APLP1: variants seen among roughly 807,000 people sequenced by gnomAD.
APLP1 encodes the protein amyloid beta precursor like protein 1.
A neutral mutation model predicts 84.5 loss-of-function variants in APLP1; 46 were observed. The observed-to-expected ratio is 0.54, with a 90% CI of 0.43 to 0.70. The LOEUF (loss-of-function observed/expected upper bound fraction) is 0.70, where lower values mean the gene tolerates loss of function less well. APLP1 is among the 30% of genes least tolerant of loss of function. The pLI is 0.00. For synonymous variants in APLP1, 376 were observed against 364.0 expected (o/e 1.03, Z -0.38); for missense variants, 826 against 900.2 (o/e 0.92, Z 1.05).
intron 6 of APLP1, 28 bp from the exon 7 acceptor site, chr19:35,872,455 A>G: frequency 1.2e-6 from 2 of 1,605,932 alleles, no homozygotes; most frequent in Non-Finnish European, 1.7e-6. Context: ...TGGGCTGCAG[A>G]CTGACCTCCT....
At chr19:35,879,260 G>T (rs1173186144) in intron 16 of APLP1, 43 bp downstream of exon 16, 1 of 1,609,170 alleles carries the variant, frequency 6.2e-7, no homozygotes, top group Non-Finnish European at 8.5e-7. Context: ...GAGTTCCTGA[G>T]CCCGGGTGTG....
In APLP1 at chr19:35,869,648, C is replaced by T; in HGVS notation, c.148-19C>T. 2 of 1,610,826 alleles carry T rather than the reference C, an allele frequency of 1.2e-6. No homozygotes were observed. Among genetic ancestry groups the T allele is most frequent in the Non-Finnish European group, 1.7e-6 (2 of 1,178,660 alleles). ...CCAACGCCCCCCGAGCCCTCACTGT[C>T]CTTTCCACTTCCATCCAGGCCCCGG... is the stretch of plus-strand genomic sequence containing the variant. On this transcript the variant is annotated intron_variant, in intron 1 of 16. Coordinates refer to ENST00000221891, the MANE Select transcript of APLP1 (RefSeq NM_001024807.3).
At position 35,868,753 on chromosome 19, in the gene APLP1, C is replaced by G; in HGVS notation, c.117C>G (p.Ser39Arg). ...TGCGCGCGCAGCCCGCCATCGGGAGCCTGGCCGGTGGGAGCCCCGGCGCGG... is the reference window on the plus strand; with the variant it reads ...TGCGCGCGCAGCCCGCCATCGGGAGGCTGGCCGGTGGGAGCCCCGGCGCGG... ...LLLRAQPAIG[S>R]LAGGSPGAAE... Residue 39 changes from serine to arginine, a missense_variant, in exon 1 of 17, where the codon AGC (serine) becomes AGG (arginine). Transcript: ENST00000221891. This position sits in a 1 kb window ranked among gnomAD's most constrained non-coding sequence, Gnocchi z 5.2. The G allele has an allele frequency of 7.4e-7, 1 of 1,356,806 alleles. No homozygotes were observed. Among genetic ancestry groups the G allele is most frequent in the Admixed American group, 3.7e-5 (1 of 26,760 alleles). The allele number at this position is 1,356,806 out of a possible 1,614,324, so 84.0% of individuals were successfully genotyped here.
rs1213668887 is a variant in APLP1 at position 35,876,366 on chromosome 19, G to A, written c.1345-151G>A. 7.9e-6 allele frequency: 5 copies of A among 633,284 alleles called. No homozygotes were observed. The East Asian group carries it at 1.2e-4, about 15-fold the overall frequency. 39.2% of individuals were successfully genotyped at this position (633,284 alleles called of 1,614,324 possible). On this transcript the variant is annotated intron_variant, in intron 10 of 16. Coordinates refer to ENST00000221891, the MANE Select transcript of APLP1 (RefSeq NM_001024807.3). Reference sequence around the variant, plus strand: ...TTATTCTTCAATTTCCTTCTCCTATGGCCCAGTTCCTAACCCTTGTACCAC... The same window carrying A: ...TTATTCTTCAATTTCCTTCTCCTATAGCCCAGTTCCTAACCCTTGTACCAC...
chr19:35,872,962 C>T (rs1238798721), intron 7 of APLP1, among the ~76,000 whole-genome samples: 2 of 151,964 alleles, frequency 1.3e-5, no homozygotes, highest in African/African-American at 2.4e-5. Flanking sequence ...CGGGCTCCAG[C>T]GATTCCCCTT....
In APLP1 at chr19:35,873,848, C is replaced by T. The variant is rs1255919932; in HGVS notation, c.1056+135C>T. The T allele has an allele frequency of 7.7e-6, 6 of 778,268 alleles. No homozygotes were observed. In the East Asian group the frequency reaches 1.1e-4, roughly 14 times the overall value. 48.2% of individuals were successfully genotyped at this position (778,268 alleles called of 1,614,324 possible). A position where few individuals can be genotyped will look rare whatever the true frequency, so the allele number is the denominator to read the frequency against. ...TATCTCAGCCTTTCCTGGCCCCATG[C>T]CTACATGCAGCTCTGCCCCTCTTAG... On this transcript the variant is annotated intron_variant, in intron 8 of 16. Coordinates refer to ENST00000221891, the MANE Select transcript of APLP1 (RefSeq NM_001024807.3).
At chr19:35,871,193 G>A (rs372783790) in intron 3 of APLP1, 44 bp from the exon 4 acceptor site, 8 of 1,589,072 alleles carry the variant, frequency 5.0e-6, no homozygotes, top group African/African-American at 2.7e-5. Context: ...GGTGGGGTTG[G>A]TGGCTATAGG....
chr19:35,878,834 G>C, intron 14 of APLP1, 56 bp from the exon 15 acceptor site: 1 of 1,605,086 alleles, frequency 6.2e-7, no homozygotes. Context: ...TGGGCCCTTG[G>C]GTAGGAAGAA....
Position 35,869,677 on chromosome 19 carries a change from C to G in APLP1, c.158C>G (p.Ser53Trp). ...TCCACTTCCATCCAGGCCCCGGGGT[C>G]GGCCCAGGTGGCTGGACTATGCGGG... ...GSPGAAEAPGSAQVAGLCGRL... is the reference protein window; with the variant it reads ...GSPGAAEAPGWAQVAGLCGRL... The change falls in exon 2 of 17, where the codon TCG becomes TGG. Residue 53 changes from serine (S) to tryptophan (W), a missense_variant. By Grantham distance (177) the Ser-to-Trp change is radical. Coordinates refer to ENST00000221891, the MANE Select transcript of APLP1 (RefSeq NM_001024807.3). 1 of 1,609,660 alleles carries G rather than the reference C, an allele frequency of 6.2e-7. No individual in the cohort carries two copies. Among genetic ancestry groups the G allele is most frequent in the Non-Finnish European group, 8.5e-7 (1 of 1,178,330 alleles).
In APLP1 at chr19:35,874,210, G is replaced by T. The variant is rs75163794; in HGVS notation, c.1057-294G>T. On this transcript the variant is annotated intron_variant, in intron 8 of 16. Coordinates refer to ENST00000221891, the MANE Select transcript of APLP1 (RefSeq NM_001024807.3). This position sits in a 1 kb window ranked among gnomAD's most constrained non-coding sequence, Gnocchi z 6.4. ...TCCAGTTTGACCCTGCCCAGGCCAG[G>T]AGCCCTGCAAGGCTTTGTCCCTTTC... is the stretch of plus-strand genomic sequence containing the variant. 4.7e-3 allele frequency among the ~76,000 whole-genome samples: 714 copies of T among 152,280 alleles called. 6 individuals are homozygous for T. Among genetic ancestry groups the T allele is most frequent in the African/African-American group, 0.016 (684 of 41,552 alleles).
At position 35,871,951 on chromosome 19, in the gene APLP1, T is replaced by C; in HGVS notation, c.765T>C (p.Asp255=). The C allele has an allele frequency of 6.2e-7, 1 of 1,614,090 alleles. No individual in the cohort carries two copies. The highest frequency in any genetic ancestry group is 8.5e-7 in the Non-Finnish European group (1 of 1,180,012). ...AATCCTTCCCACAGCCAGTAGATGA[T>C]TACTTCGTGGAGCCTCCGCAGGCTG... ...EEESFPQPVD[D]YFVEPPQAEE... Residue 255 remains aspartate (D), a synonymous_variant, in exon 6 of 17, where the codon GAT becomes GAC. Coordinates refer to ENST00000221891, the MANE Select transcript of APLP1 (RefSeq NM_001024807.3).
Position 35,873,670 on chromosome 19 carries a change from A to G in APLP1, c.1013A>G (p.Gln338Arg). The G allele has an allele frequency of 6.2e-7, 1 of 1,614,160 alleles. No homozygotes were observed. ...CGTGAATGGGCCATGGCAGACAACC[A>G]GTCCAAGAACCTGCCTAAAGCCGAC... is the stretch of plus-strand genomic sequence containing the variant. ...VMREWAMADN[Q>R]SKNLPKADRQ... The change falls in exon 8 of 17, where the codon CAG becomes CGG. Residue 338 changes from glutamine to arginine, a missense_variant. Transcript: ENST00000221891.
In APLP1 at chr19:35,871,287, T is replaced by C. The variant is rs752329424; in HGVS notation, c.475T>C (p.Leu159=). 1 of 1,613,574 alleles carries C rather than the reference T, an allele frequency of 6.2e-7. No individual in the cohort carries two copies. Among genetic ancestry groups the C allele is most frequent in the East Asian group, 2.2e-5 (1 of 44,888 alleles). The change falls in exon 4 of 17, where the codon TTG becomes CTG. Residue 159 remains leucine, a synonymous_variant. Coordinates refer to ENST00000221891, the MANE Select transcript of APLP1 (RefSeq NM_001024807.3). ...GCTGGTGCCTGAAGGCTGCCGGTTC[T>C]TGCACCAGGAGCGCATGGACCAATG... ...ALLVPEGCRF[L]HQERMDQCES...
At position 35,871,222 on chromosome 19, in the gene APLP1, C is replaced by G; in HGVS notation, c.425-15C>G. Reference sequence around the variant, plus strand: ...CTATAGGAGGATCTCACCCTGGTGTCCCGTGCTTCCCCAGCTGGTGAATTT... The same window carrying G: ...CTATAGGAGGATCTCACCCTGGTGTGCCGTGCTTCCCCAGCTGGTGAATTT... On this transcript the variant is annotated splice_polypyrimidine_tract_variant and intron_variant, in intron 3 of 16. Transcript: ENST00000221891. The G allele has an allele frequency of 6.2e-7, 1 of 1,609,948 alleles. No homozygotes were observed. The highest frequency in any genetic ancestry group is 2.2e-5 in the East Asian group (1 of 44,762).
At position 35,868,917 on chromosome 19, in the gene APLP1, AT is replaced by A; in HGVS notation, c.147+137del. On this transcript the variant is annotated intron_variant, in intron 1 of 16. Coordinates refer to ENST00000221891, the MANE Select transcript of APLP1 (RefSeq NM_001024807.3). This position sits in a 1 kb window ranked among gnomAD's most constrained non-coding sequence, Gnocchi z 5.2. ...TCAGCCCCCAGGCGCCCCCAATCAC[AT>A]TTATGAACCCAGGGTTCCAGGCCCC... 1 of 716,250 alleles carries A rather than the reference AT, an allele frequency of 1.4e-6. No individual in the cohort carries two copies. Among genetic ancestry groups the A allele is most frequent in the Non-Finnish European group, 1.9e-6 (1 of 514,726 alleles). The allele number at this position is 716,250 out of a possible 1,614,324, so 44.4% of individuals were successfully genotyped here.
chr19:35,873,631 C>T lies in APLP1; in HGVS notation c.982-8C>T. On this transcript the variant is annotated splice_polypyrimidine_tract_variant and splice_region_variant and intron_variant, in intron 7 of 16. Coordinates refer to ENST00000221891, the MANE Select transcript of APLP1 (RefSeq NM_001024807.3). ...TTCTGGGATCCTGAAGCTCCCCTCC[C>T]TATGCAGGTGATGCGTGAATGGGCC... 1 of 1,614,014 alleles carries T rather than the reference C, an allele frequency of 6.2e-7. No individual in the cohort carries two copies. The highest frequency in any genetic ancestry group is 8.5e-7 in the Non-Finnish European group (1 of 1,179,924).
chr19:35,878,738 G>C lies in APLP1; in HGVS notation c.1650+84G>C, dbSNP rs904626385. On this transcript the variant is annotated intron_variant, in intron 14 of 16. Transcript: ENST00000221891. ...GGGTACGAGGGAGGAGATGCTGGGG[G>C]CTTGGATTCCTTGTCCTGAGGGAAG... 1.1e-5 allele frequency: 17 copies of C among 1,560,806 alleles called. No individual in the cohort carries two copies. In the South Asian group the frequency reaches 1.8e-4, roughly 16 times the overall value.
rs73590864 is a variant in APLP1, at chr19:35,868,960, G to T, written c.147+177G>T. Reference sequence around the variant, plus strand: ...CCAGGCCCCAGCTCCCCCATCATGCGACGTCCCAGCCCCCTCCCATCTCGA... The same window carrying T: ...CCAGGCCCCAGCTCCCCCATCATGCTACGTCCCAGCCCCCTCCCATCTCGA... On this transcript the variant is annotated intron_variant, in intron 1 of 16. Coordinates refer to ENST00000221891, the MANE Select transcript of APLP1 (RefSeq NM_001024807.3). The surrounding 1 kb of genome is among the most constrained non-coding windows in gnomAD (Gnocchi z 5.2). 3,070 of 408,708 alleles carry T rather than the reference G, an allele frequency of 7.5e-3. 81 individuals are homozygous for T. The highest frequency in any genetic ancestry group is 0.059 in the African/African-American group (2,596 of 43,848). The allele number at this position is 408,708 out of a possible 1,614,324, so 25.3% of individuals were successfully genotyped here.
rs182094074 is a variant in APLP1, at chr19:35,877,214, C to G, written c.1445-504C>G. On this transcript the variant is annotated intron_variant, in intron 11 of 16. Coordinates refer to ENST00000221891, the MANE Select transcript of APLP1 (RefSeq NM_001024807.3). ...ATTTAAGAAAGCTATCATCTTGAGG[C>G]GCGGTGGCTCACGCCTATAATCCCA... 4.5e-3 allele frequency among the ~76,000 whole-genome samples: 680 copies of G among 152,234 alleles called. 3 individuals carry two copies. Among genetic ancestry groups the G allele is most frequent in the Non-Finnish European group, 7.4e-3 (500 of 68,022 alleles).
Sources: gnomAD v4.1 joint callset for allele counts (sites outside exome capture counted in the v4.1 genomes callset) on GRCh38, gnomAD v4.1.1 for gene constraint, Gnocchi (gnomAD v3.1) non-coding constraint, MANE v1.5 for transcripts, NCBI Gene and HGNC (gene_info 2026-07-23, HGNC 2026-07-21) for gene names.